The following PATL2 variants were observed in gnomAD, a reference collection of about 807,000 sequenced individuals.
PATL2 encodes the protein PAT1 homolog 2, also known as protein PAT1 homolog 2.
In PATL2, 73 loss-of-function variants were observed where a neutral mutation model predicts 77.0. The observed-to-expected ratio is 0.95, with a 90% CI of 0.78 to 1.15. The LOEUF (loss-of-function observed/expected upper bound fraction) is 1.15. Among genes scored for constraint, PATL2 ranks in the 50% most tolerant of loss-of-function variants. The probability of loss-of-function intolerance (pLI) is 0.00; values close to 1 mark genes in which losing one functional copy is unlikely to be tolerated. For missense variants in PATL2, 618 were observed against 655.4 expected (o/e 0.94, Z 0.62); for synonymous variants, 265 against 257.1 (o/e 1.03, Z -0.29).
intron 9 of PATL2, among the ~76,000 whole-genome samples, chr15:44,671,595 A>G (rs575282915): frequency 8.5e-4 from 130 of 152,228 alleles, no homozygotes; most frequent in Non-Finnish European, 1.6e-3. Flanking sequence ...GAAAATGAGT[A>G]AAAATATCTG....
At position 44,669,970 on chromosome 15, in the gene PATL2, A is replaced by G; in HGVS notation, c.775T>C (p.Ser259Pro). The change falls in exon 10 of 18, where the codon TCC (serine) becomes CCC (proline). Residue 259 changes from serine to proline, a missense_variant. Coordinates refer to ENST00000682850, the MANE Select transcript of PATL2 (RefSeq NM_001387263.1). ...PYIPKAEAYE[S>P]VVRIEGSLGQ... ...AGCAGGTCAGCCCTGACCCTACCGG[A>G]CTCATAAGCCTCTGCCTTCGGAATG... 6.5e-7 allele frequency: 1 copy of G among 1,548,906 alleles called. No individual in the cohort carries two copies. The highest frequency in any genetic ancestry group is 8.7e-7 in the Non-Finnish European group (1 of 1,145,696).
chr15:44,683,068 C>T (rs1161768252), intron 3 of PATL2, among the ~76,000 whole-genome samples: 1 of 152,218 alleles, frequency 6.6e-6, no homozygotes. Context: ...CCAGATACTA[C>T]GCTTTTCCCA....
At chr15:44,670,185 G>GT (rs1293062163) in intron 9 of PATL2, 98 bp from the exon 10 acceptor site, 9 of 1,452,354 alleles carry the variant, frequency 6.2e-6, no homozygotes, top group African/African-American at 1.4e-5. Context: ...CTTAAGTTTA[G>GT]TTTTTTTGTG....
At chr15:44,670,390 C>T (rs1371537920) in intron 9 of PATL2, among the ~76,000 whole-genome samples, 3 of 152,116 alleles carry the variant, frequency 2.0e-5, no homozygotes, top group Non-Finnish European at 2.9e-5. Context: ...GGTGGGATTT[C>T]ACCATGTTGC....
chr15:44,676,556 G>C lies in PATL2; in HGVS notation c.-66C>G. The C allele has an allele frequency of 6.4e-7, 1 of 1,550,570 alleles. No individual in the cohort carries two copies. Among genetic ancestry groups the C allele is most frequent in the Non-Finnish European group, 8.7e-7 (1 of 1,146,332 alleles). On this transcript the variant is annotated 5_prime_UTR_variant, in exon 4 of 18. Coordinates refer to ENST00000682850, the MANE Select transcript of PATL2 (RefSeq NM_001387263.1). ...AGTGAAACAGCATTGCCAGCCTCTG[G>C]AAGGTAAACCTGAGACAAGAAAGAG...
intron 9 of PATL2, among the ~76,000 whole-genome samples, chr15:44,671,015 C>T (rs2085645835): frequency 6.6e-6 from 1 of 152,182 alleles, no homozygotes. Flanking sequence ...TTGAAAAAGG[C>T]TCTTTTGTTT....
In PATL2 at chr15:44,675,560, G is replaced by C. The variant is rs1258217873; in HGVS notation, c.148C>G (p.Leu50Val). The C allele has an allele frequency of 6.4e-7, 1 of 1,551,668 alleles. No individual in the cohort carries two copies. Among genetic ancestry groups the C allele is most frequent in the Admixed American group, 2.0e-5 (1 of 50,982 alleles). The change falls in exon 5 of 18, where the codon CTG becomes GTG. Residue 50 changes from leucine (L) to valine (V), a missense_variant. Leu to Val is a conservative substitution (Grantham distance 32). Coordinates refer to ENST00000682850, the MANE Select transcript of PATL2 (RefSeq NM_001387263.1). ...TCTTCCTCCTCTAGGTCTGGGTCCAGATCTGGGTCCAGATCCTCCTCGTCC... is the reference window on the plus strand; with the variant it reads ...TCTTCCTCCTCTAGGTCTGGGTCCACATCTGGGTCCAGATCCTCCTCGTCC... ...EEDEEDLDPD[L>V]DPDLEEEEND...
At chr15:44,695,756 C>G (rs1236034310) in intron 3 of PATL2, among the ~76,000 whole-genome samples, 1 of 152,214 alleles carries the variant, frequency 6.6e-6, no homozygotes, top group African/African-American at 2.4e-5. Context: ...GTGGACATAC[C>G]TGGTCCTTCT....
rs566428690 is a variant in PATL2 at position 44,675,549 on chromosome 15, GTCTGGGTCCAGA to G, written c.147_158del (p.Asp51_Leu54del). 160 of 1,551,846 alleles carry G rather than the reference GTCTGGGTCCAGA, an allele frequency of 1.0e-4. No individual in the cohort carries two copies. In the African/African-American group the frequency reaches 1.2e-3, roughly 12 times the overall value. On this transcript the variant is annotated inframe_deletion, in exon 5 of 18. Transcript: ENST00000682850. ...CAAGATCATTCTCTTCCTCCTCTAGGTCTGGGTCCAGATCTGGGTCCAGATCCTCCTCGTCCT... is the reference window on the plus strand; with the variant it reads ...CAAGATCATTCTCTTCCTCCTCTAGGTCTGGGTCCAGATCCTCCTCGTCCT...
Position 44,675,644 on chromosome 15 carries a change from A to T in PATL2, c.64T>A (p.Ser22Thr), listed in dbSNP as rs1483537977. ...GPLASEEELV[S>T]ACQLEKEEEN... ...TCTTCTTTTTCCAACTGGCAGGCAG[A>T]CACCAGCTCCTCCTCAGAAGCCAAG... Residue 22 changes from serine to threonine, a missense_variant, in exon 5 of 18, where the codon TCT (serine) becomes ACT (threonine). Physicochemically the swap from Ser to Thr is moderately conservative, Grantham distance 58. Transcript: ENST00000682850. 1.9e-6 allele frequency: 3 copies of T among 1,551,510 alleles called. No homozygotes were observed. In the Admixed American group the frequency reaches 5.9e-5, roughly 30 times the overall value.
At chr15:44,668,543 G>A in intron 14 of PATL2, 61 bp from the exon 15 acceptor site, 1 of 1,525,022 alleles carries the variant, frequency 6.6e-7, no homozygotes, top group East Asian at 2.5e-5. Context: ...CCCTTACCTT[G>A]CTTCCACAGT....
At position 44,669,134 on chromosome 15, in the gene PATL2, G is replaced by T. The variant is rs1380325255; in HGVS notation, c.1070C>A (p.Ala357Glu). 1.3e-6 allele frequency: 2 copies of T among 1,540,518 alleles called. No individual in the cohort carries two copies. Among genetic ancestry groups the T allele is most frequent in the Non-Finnish European group, 1.8e-6 (2 of 1,140,288 alleles). The stretch of plus-strand genomic sequence containing the variant: ...GAGCACCTGCAGGAAGCCATCTGCT[G>T]CCTCTCTGCAAGGGAGAGAGGAGAA... ...KTQEQNNLEE[A>E]ADGFLQVLSV... is the part of the protein sequence containing the mutation. Residue 357 changes from alanine to glutamate, a missense_variant, in exon 14 of 18, where the codon GCA becomes GAA. Coordinates refer to ENST00000682850, the MANE Select transcript of PATL2 (RefSeq NM_001387263.1).
chr15:44,679,552 C>CTTTTTTTTTTTTTT (rs545161525), intron 3 of PATL2, among the ~76,000 whole-genome samples: 3 of 114,354 alleles, frequency 2.6e-5, no homozygotes, highest in Non-Finnish European at 3.6e-5. Flanking sequence ...TTTTCTTTTT[C>CTTTTTTTTTTTTTT]TTTTTTTTTT....
At position 44,674,180 on chromosome 15, in the gene PATL2, C is replaced by T. The variant is rs1467341188; in HGVS notation, c.273G>A (p.Met91Ile). 1.9e-6 allele frequency: 3 copies of T among 1,550,782 alleles called. No homozygotes were observed. The East Asian group carries it at 7.3e-5, about 38-fold the overall frequency. The change falls in exon 6 of 18, where the codon ATG becomes ATA. Residue 91 changes from methionine to isoleucine, a missense_variant. Transcript: ENST00000682850. ...ACAGAAAATGCAAGGAGGCAAGTGA[C>T]ATTCCCAGCATACCAGGGGCCTTGA... ...PGVKAPGMLG[M>I]SLASLHFLWQ...
chr15:44,700,143 T>C (rs1595987741), intron 3 of PATL2, among the ~76,000 whole-genome samples: 1 of 152,324 alleles, frequency 6.6e-6, no homozygotes, highest in East Asian at 1.9e-4. Context: ...GGAATATCTT[T>C]CCATTTTTTT....
Position 44,672,419 on chromosome 15 carries a change from A to G in PATL2, c.484T>C (p.Leu162=). The G allele has an allele frequency of 1.3e-6, 2 of 1,551,704 alleles. No homozygotes were observed. The highest frequency in any genetic ancestry group is 2.4e-5 in the South Asian group (2 of 84,068). The change falls in exon 8 of 18, where the codon TTG becomes CTG. Residue 162 remains leucine, a synonymous_variant. Coordinates refer to ENST00000682850, the MANE Select transcript of PATL2 (RefSeq NM_001387263.1). ...GTTTGACTATGCTGCTGCTGCTGCA[A>G]GATTCGTTGGTGCCGAGGGTGGAGC... is the stretch of plus-strand genomic sequence containing the variant. ...TQLHPRHQRI[L]QQQQHSQTPS... is the part of the protein sequence containing the mutation.
Position 44,677,130 on chromosome 15 carries a change from A to C in PATL2, c.-75-565T>G, listed in dbSNP as rs147962255. ...TTTATTGGGATTGATATTTGGGGGC[A>C]GATAGTTAAAAAGAGGATCCCTGTT... is the stretch of plus-strand genomic sequence containing the variant. On this transcript the variant is annotated intron_variant, in intron 3 of 17. Coordinates refer to ENST00000682850, the MANE Select transcript of PATL2 (RefSeq NM_001387263.1). Among the ~76,000 whole-genome samples, 766 of 152,322 alleles carry C rather than the reference A, an allele frequency of 5.0e-3. 8 individuals are homozygous for C. Among genetic ancestry groups the C allele is most frequent in the African/African-American group, 0.018 (744 of 41,582 alleles).
At chr15:44,674,403 C>G in intron 5 of PATL2, 173 bp from the exon 6 acceptor site, 2 of 596,870 alleles carry the variant, frequency 3.4e-6, no homozygotes, top group Admixed American at 6.1e-5. Context: ...CAGGATCCCT[C>G]TCCCTCTCCT....
At chr15:44,679,644 C>T (rs1287774559) in intron 3 of PATL2, among the ~76,000 whole-genome samples, 2 of 149,902 alleles carry the variant, frequency 1.3e-5, no homozygotes. Context: ...CCACCTGCCT[C>T]GGCCTCCAGA....
Sources: gnomAD v4.1 joint callset for allele counts (sites outside exome capture counted in the v4.1 genomes callset) on GRCh38, gnomAD v4.1.1 for gene constraint, MANE v1.5 for transcripts, NCBI Gene and HGNC (gene_info 2026-07-23, HGNC 2026-07-21) for gene names.